FRMD3: variants seen among roughly 807,000 people sequenced by gnomAD.
FRMD3 encodes the protein FERM domain-containing protein 3.
Under a neutral mutation model 70.2 loss-of-function variants are expected in FRMD3, and 33 were observed. That is an observed-to-expected ratio of 0.47 (90% CI 0.36 to 0.63). The LOEUF is 0.63. Ranked by LOEUF, FRMD3 falls within the 20% of genes least tolerant of loss-of-function variation. The probability of loss-of-function intolerance (pLI) is 0.00; values close to 1 mark genes in which losing one functional copy is unlikely to be tolerated. For synonymous variants in FRMD3, 279 were observed against 255.9 expected (o/e 1.09, Z -0.86); for missense variants, 632 against 711.4 (o/e 0.89, Z 1.27).
At chr9:83,513,620 A>G (rs185458191) in intron 1 of FRMD3, among the ~76,000 whole-genome samples, 2 of 152,380 alleles carry the variant, frequency 1.3e-5, no homozygotes, top group East Asian at 3.9e-4. Context: ...AAAGTCATAT[A>G]ATAATGCCTT....
intron 1 of FRMD3, among the ~76,000 whole-genome samples, chr9:83,465,141 C>T (rs572330214): frequency 2.0e-5 from 3 of 152,254 alleles, no homozygotes; most frequent in African/African-American, 7.2e-5. Context: ...ATTTTACACA[C>T]ATCATCCATT....
the FRMD3 span, among the ~76,000 whole-genome samples, chr9:83,543,592 TCCCTCAGCA>T: frequency 5.9e-5 from 9 of 152,150 alleles, no homozygotes; most frequent in South Asian, 1.7e-3. Context: ...CCTGCAGACA[TCCCTCAGCA>T]CCCACTGAGA....
chr9:83,479,993 G>A (rs948070426), intron 1 of FRMD3, among the ~76,000 whole-genome samples: 2 of 152,134 alleles, frequency 1.3e-5, no homozygotes, highest in Non-Finnish European at 2.9e-5. Context: ...CATGCTTCTG[G>A]TAAGCATATA....
the FRMD3 span, among the ~76,000 whole-genome samples, chr9:83,573,903 G>A: frequency 6.6e-6 from 1 of 152,052 alleles, no homozygotes; most frequent in Non-Finnish European, 1.5e-5. Flanking sequence ...GTGACAAAAG[G>A]GCTGTGTTGT....
At chr9:83,407,837 G>GTC (rs761983764) in intron 1 of FRMD3, among the ~76,000 whole-genome samples, 19,490 of 103,520 alleles carry the variant, frequency 0.19, 2,435 homozygotes, top group Middle Eastern at 0.28. Flanking sequence ...GGGTTGTTGA[G>GTC]TCTCTCTCTC....
intron 1 of FRMD3, among the ~76,000 whole-genome samples, chr9:83,486,271 C>T (rs1405950288): frequency 6.6e-6 from 1 of 152,094 alleles, no homozygotes; most frequent in Non-Finnish European, 1.5e-5. Flanking sequence ...ATGACTGTCA[C>T]CAAGCATCTC....
At chr9:83,483,265 T>C (rs1828610577) in intron 1 of FRMD3, among the ~76,000 whole-genome samples, 1 of 152,146 alleles carries the variant, frequency 6.6e-6, no homozygotes, top group Non-Finnish European at 1.5e-5. Context: ...GGTATTTGCT[T>C]CCCCTTTGCC....
chr9:83,342,736 TTAGA>T (rs1226443725), intron 5 of FRMD3, among the ~76,000 whole-genome samples: 7 of 88,342 alleles, frequency 7.9e-5, no homozygotes, highest in Non-Finnish European at 1.3e-4. Flanking sequence ...AGATAGATAG[TTAGA>T]TAGACACAAA....
At chr9:83,333,951 C>T (rs1004174086) in intron 6 of FRMD3, among the ~76,000 whole-genome samples, 2 of 152,124 alleles carry the variant, frequency 1.3e-5, no homozygotes, top group African/African-American at 4.8e-5. Flanking sequence ...AAGCTCTTAG[C>T]ACAATGTTTT....
At chr9:83,480,764 G>A (rs7039039) in intron 1 of FRMD3, among the ~76,000 whole-genome samples, 55,148 of 151,812 alleles carry the variant, frequency 0.36, 10,378 homozygotes, top group Middle Eastern at 0.41. Context: ...CAAAGTGCTG[G>A]GATTACAGGC....
chr9:83,422,132 G>A (rs946762333), intron 1 of FRMD3, among the ~76,000 whole-genome samples: 3 of 152,190 alleles, frequency 2.0e-5, no homozygotes, highest in African/African-American at 4.8e-5. Flanking sequence ...GGCTGAGGCA[G>A]GAGAATCGCT....
the FRMD3 span, among the ~76,000 whole-genome samples, chr9:83,549,461 T>C: frequency 6.6e-6 from 1 of 152,188 alleles, no homozygotes; most frequent in Non-Finnish European, 1.5e-5. Context: ...TTCCTCTGGG[T>C]ATACACCCAG....
intron 10 of FRMD3, among the ~76,000 whole-genome samples, chr9:83,301,375 T>C (rs1834920068): frequency 6.6e-6 from 1 of 152,154 alleles, no homozygotes; most frequent in Non-Finnish European, 1.5e-5. Flanking sequence ...CAATCACCTC[T>C]GCCCTCTCCC....
In FRMD3 at chr9:83,473,058, C is replaced by A. The variant is rs115657258; in HGVS notation, c.147+65027G>T. Reference sequence around the variant, plus strand: ...CCCTTCCAACGCTTTCTGCATCCTGCCAGTTTAACCTCCAAAATCAATCAT... The same window carrying A: ...CCCTTCCAACGCTTTCTGCATCCTGACAGTTTAACCTCCAAAATCAATCAT... On this transcript the variant is annotated intron_variant, in intron 1 of 13. Coordinates refer to ENST00000304195, the MANE Select transcript of FRMD3 (RefSeq NM_174938.6). Among the ~76,000 whole-genome samples the A allele has an allele frequency of 1.9e-3, 288 of 152,304 alleles. 1 individual carries two copies. The highest frequency in any genetic ancestry group is 6.5e-3 in the African/African-American group (272 of 41,558).
At chr9:83,366,557 G>A (rs938752461) in intron 3 of FRMD3, among the ~76,000 whole-genome samples, 2 of 151,706 alleles carry the variant, frequency 1.3e-5, no homozygotes, top group Non-Finnish European at 2.9e-5. Context: ...TGGGCAACAA[G>A]AGCAAATCTC....
chr9:83,533,942 A>G (rs1248745794), intron 1 of FRMD3, among the ~76,000 whole-genome samples: 1 of 152,222 alleles, frequency 6.6e-6, no homozygotes. Flanking sequence ...AGTCAGTATT[A>G]AAAATGGCAA....
chr9:83,406,337 G>A (rs1164565936), intron 1 of FRMD3, among the ~76,000 whole-genome samples: 1 of 152,140 alleles, frequency 6.6e-6, no homozygotes, highest in Admixed American at 6.5e-5. Context: ...AAAGTCAAAG[G>A]CTACTAGAGC....
At chr9:83,542,895 C>T (rs1232125888), upstream of FRMD3, among the ~76,000 whole-genome samples, 1 of 152,056 alleles carries the variant, frequency 6.6e-6, no homozygotes, top group Non-Finnish European at 1.5e-5. Context: ...ACTAGACATT[C>T]ACATGCAAAA....
the FRMD3 span, among the ~76,000 whole-genome samples, chr9:83,549,047 G>A: frequency 3.9e-4 from 59 of 151,586 alleles, no homozygotes; most frequent in African/African-American, 1.3e-3. Flanking sequence ...TTACTAGATC[G>A]CCCAAGTACT....
Sources: gnomAD v4.1 joint callset for allele counts (sites outside exome capture counted in the v4.1 genomes callset) on GRCh38, gnomAD v4.1.1 for gene constraint, MANE v1.5 for transcripts, NCBI Gene and HGNC (gene_info 2026-07-23, HGNC 2026-07-21) for gene names.